KANK1: variants seen among roughly 807,000 people sequenced by gnomAD.
KANK1 encodes KN motif and ankyrin repeat domains 1, also known as KN motif and ankyrin repeat domain-containing protein 1.
In KANK1, 109 loss-of-function variants were observed where a neutral mutation model predicts 106.2. The observed-to-expected ratio is 1.03, with a 90% CI of 0.88 to 1.20. The LOEUF (loss-of-function observed/expected upper bound fraction) is 1.20, where lower values mean the gene tolerates loss of function less well. KANK1 is among the 50% of genes most tolerant of loss of function. The pLI is 0.00. For synonymous variants in KANK1, 873 were observed against 652.2 expected (o/e 1.34, Z -5.16); for missense variants, 2,399 against 1,710.7 (o/e 1.40, Z -7.10).
At chr9:497,106 G>A (rs960946228) in intron 3 of KANK1, among the ~76,000 whole-genome samples, 1 of 152,118 alleles carries the variant, frequency 6.6e-6, no homozygotes, top group Non-Finnish European at 1.5e-5. Context: ...GAACCAATGT[G>A]TCCTTTCCTT....
At chr9:602,797 G>C (rs561398265) in intron 1 of KANK1, among the ~76,000 whole-genome samples, 1 of 151,904 alleles carries the variant, frequency 6.6e-6, no homozygotes, top group Non-Finnish European at 1.5e-5. Context: ...AACTTCTTTT[G>C]ACTGCGCTTT....
At chr9:546,663 AC>A (rs963038519) in intron 1 of KANK1, among the ~76,000 whole-genome samples, 9 of 125,718 alleles carry the variant, frequency 7.2e-5, no homozygotes, top group African/African-American at 2.8e-4. Context: ...TCCCTCTCCC[AC>A]CCCCACTCCC....
chr9:627,548 T>A (rs1834656961), intron 1 of KANK1, among the ~76,000 whole-genome samples: 1 of 152,168 alleles, frequency 6.6e-6, no homozygotes, highest in African/African-American at 2.4e-5. Context: ...TGAGGGTGTT[T>A]TTGCCAGTAA....
chr9:474,457 T>A (rs2058071682), intron 3 of KANK1, among the ~76,000 whole-genome samples: 1 of 152,178 alleles, frequency 6.6e-6, no homozygotes, highest in South Asian at 2.1e-4. Context: ...CTAAATGAAA[T>A]GATGCATGTG....
chr9:634,022 T>C (rs1267819505), intron 1 of KANK1, among the ~76,000 whole-genome samples: 1 of 152,246 alleles, frequency 6.6e-6, no homozygotes, highest in African/African-American at 2.4e-5. Flanking sequence ...AAGGTTTATC[T>C]TTTTCATAAG....
chr9:510,606 C>G (rs984612330), intron 1 of KANK1, among the ~76,000 whole-genome samples: 6 of 152,278 alleles, frequency 3.9e-5, no homozygotes, highest in African/African-American at 1.4e-4. Context: ...GAGAGATCAG[C>G]GGTGCATAGG....
upstream of KANK1, among the ~76,000 whole-genome samples, chr9:503,241 C>T (rs560733280): frequency 4.7e-4 from 71 of 151,936 alleles, no homozygotes; most frequent in African/African-American, 1.7e-3. Flanking sequence ...ACATTTGGGG[C>T]GGGGTGGTGG....
chr9:604,676 C>T (rs1421809938), intron 1 of KANK1, among the ~76,000 whole-genome samples: 1 of 151,592 alleles, frequency 6.6e-6, no homozygotes, highest in Non-Finnish European at 1.5e-5. Flanking sequence ...ACTGAAAAAA[C>T]AAAAATTAGC....
At chr9:592,121 A>C (rs112785935) in intron 1 of KANK1, among the ~76,000 whole-genome samples, 4 of 151,826 alleles carry the variant, frequency 2.6e-5, no homozygotes, top group Non-Finnish European at 4.4e-5. Context: ...AAATTGTAGG[A>C]AAAGATGCAA....
chr9:569,535 C>G (rs913483907), intron 1 of KANK1, among the ~76,000 whole-genome samples: 2 of 152,174 alleles, frequency 1.3e-5, no homozygotes, highest in African/African-American at 2.4e-5. Flanking sequence ...CAAGAAGGCC[C>G]TCACCAGATG....
chr9:512,230 A>T (rs1334860785), intron 1 of KANK1, among the ~76,000 whole-genome samples: 1 of 136,896 alleles, frequency 7.3e-6, no homozygotes, highest in Non-Finnish European at 1.5e-5. Flanking sequence ...CATAACCAAT[A>T]GTGTGTGTGT....
At chr9:736,391 G>A (rs1488344205) in intron 7 of KANK1, among the ~76,000 whole-genome samples, 1 of 152,084 alleles carries the variant, frequency 6.6e-6, no homozygotes, top group Non-Finnish European at 1.5e-5. Context: ...GATACAGAGG[G>A]CCAGCTGTAC....
intron 2 of KANK1, among the ~76,000 whole-genome samples, chr9:707,413 G>T (rs1824660218): frequency 6.6e-6 from 1 of 152,278 alleles, no homozygotes; most frequent in South Asian, 2.1e-4. Flanking sequence ...CACATCCCGG[G>T]AGGCCCGGAT....
chr9:588,827 C>A (rs922400481), intron 1 of KANK1, among the ~76,000 whole-genome samples: 1 of 152,094 alleles, frequency 6.6e-6, no homozygotes, highest in Non-Finnish European at 1.5e-5. Context: ...AATAAAAGCC[C>A]TCTGGTAAAG....
chr9:588,169 A>G (rs755395835), intron 1 of KANK1, among the ~76,000 whole-genome samples: 34 of 152,076 alleles, frequency 2.2e-4, no homozygotes, highest in African/African-American at 2.7e-4. Context: ...ACCAAAGCCC[A>G]TATCAGTGGG....
intron 3 of KANK1, among the ~76,000 whole-genome samples, chr9:474,773 A>AGACATTGGTGGCAGGGT (rs1401604427): frequency 6.6e-6 from 1 of 152,156 alleles, no homozygotes; most frequent in Non-Finnish European, 1.5e-5. Context: ...AAAGGCAGGG[A>AGACATTGGTGGCAGGGT]GACATTGGTG....
intron 3 of KANK1, among the ~76,000 whole-genome samples, chr9:724,671 G>A (rs558288131): frequency 5.9e-5 from 9 of 151,990 alleles, no homozygotes; most frequent in Non-Finnish European, 1.2e-4. Flanking sequence ...GCGTGGTGGC[G>A]GGCACTTGTA....
Position 712,898 on chromosome 9 carries a change from CTG to C in KANK1, c.2135_2136del (p.Val712GlyfsTer37). 6.2e-7 allele frequency: 1 copy of C among 1,614,086 alleles called. No homozygotes were observed. The highest frequency in any genetic ancestry group is 8.5e-7 in the Non-Finnish European group (1 of 1,180,034). ...TTGGACAAGCAGACCAGCACCCAGA[CTG>C]TGGAGACGCGGACAGTAGCTGTAGG... is the stretch of plus-strand genomic sequence containing the variant. On this transcript the variant is annotated frameshift_variant, in exon 3 of 12. Coordinates refer to ENST00000382297, the MANE Select transcript of KANK1 (RefSeq NM_015158.5). LOFTEE classifies it high-confidence loss of function.
intron 3 of KANK1, among the ~76,000 whole-genome samples, chr9:718,201 G>A (rs1828242214): frequency 6.6e-6 from 1 of 150,888 alleles, no homozygotes; most frequent in Non-Finnish European, 1.5e-5. Context: ...AGTGTTTCTG[G>A]GACCCTGCAG....
Sources: gnomAD v4.1 joint callset for allele counts (sites outside exome capture counted in the v4.1 genomes callset) on GRCh38, gnomAD v4.1.1 for gene constraint, MANE v1.5 for transcripts, NCBI Gene and HGNC (gene_info 2026-07-23, HGNC 2026-07-21) for gene names.